The following ZNF805 variants were observed in gnomAD, a reference collection of about 807,000 sequenced individuals.
ZNF805 encodes the protein zinc finger protein 805, also known as CTC-444N24.8.
A neutral mutation model predicts 13.6 loss-of-function variants in ZNF805; 7 were observed. The ratio of observed to expected loss-of-function variants is 0.51; its 90% CI spans 0.29 to 0.97. The LOEUF is 0.97. Among genes scored for constraint, ZNF805 ranks in the 50% least tolerant of loss-of-function variants. The pLI, the probability that ZNF805 is intolerant of heterozygous loss-of-function variation, is 0.08. For missense variants in ZNF805, 604 were observed against 771.0 expected, an observed-to-expected ratio of 0.78 and a Z score of 2.57; for synonymous variants, 293 against 279.8, an observed-to-expected ratio of 1.05 and a Z score of -0.47.
Position 57,254,565 on chromosome 19 carries a change from A to G in ZNF805, c.1746A>G (p.Ser582=), listed in dbSNP as rs750896971. The change falls in exon 4 of 4, where the codon TCA becomes TCG. Residue 582 remains serine (S), a synonymous_variant. Coordinates refer to ENST00000414468, the MANE Select transcript of ZNF805 (RefSeq NM_001023563.4). ...GACCTTTTACAAGTGGGCAGACCTC[A>G]GTCAACATCCAAGAACTTTTATTGG... ...VGRPFTSGQT[S]VNIQELLLGK... 10 of 1,614,220 alleles carry G rather than the reference A, an allele frequency of 6.2e-6. No individual in the cohort carries two copies. The South Asian group carries it at 8.8e-5, about 14-fold the overall frequency.
At position 57,254,289 on chromosome 19, in the gene ZNF805, G is replaced by A; in HGVS notation, c.1470G>A (p.Lys490=). 3 of 1,614,082 alleles carry A rather than the reference G, an allele frequency of 1.9e-6. No individual in the cohort carries two copies. Among genetic ancestry groups the A allele is most frequent in the Non-Finnish European group, 2.5e-6 (3 of 1,180,026 alleles). Residue 490 remains lysine, a synonymous_variant, in exon 4 of 4, where the codon AAG becomes AAA. Transcript: ENST00000414468. ...EKPYECMECG[K]AFNRRSGLTR... ...CCTATGAGTGCATGGAGTGTGGAAA[G>A]GCCTTCAACCGCAGGTCAGGCCTCA...
In ZNF805 at chr19:57,258,312, A is replaced by G. The variant is rs921378768; in HGVS notation, c.*3609A>G. Among the ~76,000 whole-genome samples, 2 of 151,948 alleles carry G rather than the reference A, an allele frequency of 1.3e-5. No homozygotes were observed. Among genetic ancestry groups the G allele is most frequent in the Admixed American group, 6.6e-5 (1 of 15,258 alleles). On this transcript the variant is annotated 3_prime_UTR_variant, in exon 4 of 4. Transcript: ENST00000414468. ...GTCACTGTGTCTGGCCCCAGTTTGC[A>G]TATTTCTGTCTTTTATTGGTGTATT...
At chr19:57,244,967 C>G (rs1325205714) in intron 2 of ZNF805, among the ~76,000 whole-genome samples, 1 of 151,666 alleles carries the variant, frequency 6.6e-6, no homozygotes, top group Non-Finnish European at 1.5e-5. Context: ...TTTTTGAGTT[C>G]CAGAGCGGGA....
At position 57,254,026 on chromosome 19, in the gene ZNF805, G is replaced by A. The variant is rs548369391; in HGVS notation, c.1207G>A (p.Glu403Lys). ...HTGEKPFECL[E>K]CGKAFNHRSY... ...TGGAGAGAAGCCCTTTGAGTGCCTC[G>A]AGTGTGGGAAGGCTTTCAACCACCG... Residue 403 changes from glutamate (E) to lysine (K), a missense_variant, in exon 4 of 4, where the codon GAG becomes AAG. Physicochemically the swap from Glu to Lys is moderately conservative, Grantham distance 56. Coordinates refer to ENST00000414468, the MANE Select transcript of ZNF805 (RefSeq NM_001023563.4). 14 of 1,613,766 alleles carry A rather than the reference G, an allele frequency of 8.7e-6. No individual in the cohort carries two copies. In the East Asian group the frequency reaches 8.9e-5, roughly 10 times the overall value.
rs1442681307 is a variant in ZNF805 at position 57,257,792 on chromosome 19, C to T, written c.*3089C>T. Among the ~76,000 whole-genome samples the T allele has an allele frequency of 2.0e-5, 3 of 148,736 alleles. No individual in the cohort carries two copies. Among genetic ancestry groups the T allele is most frequent in the Non-Finnish European group, 4.4e-5 (3 of 67,506 alleles). On this transcript the variant is annotated 3_prime_UTR_variant, in exon 4 of 4. Coordinates refer to ENST00000414468, the MANE Select transcript of ZNF805 (RefSeq NM_001023563.4). The stretch of plus-strand genomic sequence containing the variant: ...TGCGATCTCCGCTCACTGCAACCTC[C>T]GCCTCCTGGGTTCAAGTGATTCTCC...
In ZNF805 at chr19:57,253,990, G is replaced by A; in HGVS notation, c.1171G>A (p.Val391Ile). 1.2e-6 allele frequency: 2 copies of A among 1,612,476 alleles called. No individual in the cohort carries two copies. Reference sequence around the variant, plus strand: ...GAGCGCAGCGCTGATTCACCACTATGTCATCCACACTGGAGAGAAGCCCTT... The same window carrying A: ...GAGCGCAGCGCTGATTCACCACTATATCATCCACACTGGAGAGAAGCCCTT... ...CESAALIHHY[V>I]IHTGEKPFEC... is the part of the protein sequence containing the mutation. The change falls in exon 4 of 4, where the codon GTC becomes ATC. Residue 391 changes from valine to isoleucine, a missense_variant. Val to Ile is a conservative substitution (Grantham distance 29, BLOSUM62 3). This residue lies in a region of ZNF805 where 228 missense variants were observed against 352.8 expected (regional missense o/e 0.65). Transcript: ENST00000414468. This position sits in a 1 kb window ranked among gnomAD's most constrained non-coding sequence, Gnocchi z 4.4.
At position 57,258,437 on chromosome 19, in the gene ZNF805, G is replaced by GTTTTT. The variant is rs3028396; in HGVS notation, c.*3743_*3747dup. Among the ~76,000 whole-genome samples the GTTTTT allele has an allele frequency of 1.3e-4, 17 of 130,014 alleles. No individual in the cohort carries two copies. Among genetic ancestry groups the GTTTTT allele is most frequent in the South Asian group, 2.4e-4 (1 of 4,102 alleles). 85.3% of individuals were successfully genotyped at this position (130,014 alleles called of 152,430 possible). ...GTTGCTTCTTTCTTGGTTTGTTTGG[G>GTTTTT]TTTTTTTTTTTTTGTCTTTAACATT... On this transcript the variant is annotated 3_prime_UTR_variant, in exon 4 of 4. Coordinates refer to ENST00000414468, the MANE Select transcript of ZNF805 (RefSeq NM_001023563.4).
intron 2 of ZNF805, among the ~76,000 whole-genome samples, chr19:57,246,877 T>C (rs1167141878): frequency 2.0e-5 from 3 of 152,200 alleles, no homozygotes; most frequent in Admixed American, 6.5e-5. Flanking sequence ...CTCCATTTAT[T>C]CTCACAGGAT....
rs35129115 is a variant in ZNF805, at chr19:57,257,529, CTT to C, written c.*2827_*2828del. ...GTCCCTTTTTGTTCCTGTTAATACTCTTATCAATTTTTATCTGATATTTGTGT... is the reference window on the plus strand; with the variant it reads ...GTCCCTTTTTGTTCCTGTTAATACTCATCAATTTTTATCTGATATTTGTGT... On this transcript the variant is annotated 3_prime_UTR_variant, in exon 4 of 4. Coordinates refer to ENST00000414468, the MANE Select transcript of ZNF805 (RefSeq NM_001023563.4). Among the ~76,000 whole-genome samples, 38,765 of 151,710 alleles carry C rather than the reference CTT, an allele frequency of 0.26. 6,079 individuals are homozygous for C. The highest frequency in any genetic ancestry group is 0.35 in the Non-Finnish European group (23,831 of 67,842).
chr19:57,243,926 T>A lies in ZNF805; in HGVS notation c.34T>A (p.Ser12Thr). 3 of 1,614,128 alleles carry A rather than the reference T, an allele frequency of 1.9e-6. No homozygotes were observed. Among genetic ancestry groups the A allele is most frequent in the Non-Finnish European group, 1.7e-6 (2 of 1,180,022 alleles). ...AMALTDPAQV[S>T]VTFDDVAVTF... ...CTACCTCTATTTGACATTTCAGGTGTCTGTGACCTTTGATGATGTGGCTGT... is the reference window on the plus strand; with the variant it reads ...CTACCTCTATTTGACATTTCAGGTGACTGTGACCTTTGATGATGTGGCTGT... The change falls in exon 2 of 4, where the codon TCT (serine) becomes ACT (threonine). Residue 12 changes from serine to threonine, a missense_variant. This residue lies in a region of ZNF805 where 327 missense variants were observed against 378.2 expected (regional missense o/e 0.86). Coordinates refer to ENST00000414468, the MANE Select transcript of ZNF805 (RefSeq NM_001023563.4).
Position 57,259,089 on chromosome 19 carries a change from T to C in ZNF805, c.*4386T>C, listed in dbSNP as rs550680100. Among the ~76,000 whole-genome samples, 8 of 152,120 alleles carry C rather than the reference T, an allele frequency of 5.3e-5. No individual in the cohort carries two copies. In the East Asian group the frequency reaches 1.5e-3, roughly 29 times the overall value. On this transcript the variant is annotated 3_prime_UTR_variant, in exon 4 of 4. Transcript: ENST00000414468. ...ATCAACCTGCGTTCAAAGTGTTTTG[T>C]TTTTTTTGTAGTGTTCAGAAGTTTG...
intron 1 of ZNF805, among the ~76,000 whole-genome samples, chr19:57,243,166 T>C (rs921550787): frequency 6.6e-6 from 1 of 152,190 alleles, no homozygotes; most frequent in African/African-American, 2.4e-5. Flanking sequence ...CAGTGAACTC[T>C]GAGCATGCCA....
intron 2 of ZNF805, among the ~76,000 whole-genome samples, chr19:57,246,219 G>A (rs957987286): frequency 6.6e-6 from 1 of 152,166 alleles, no homozygotes; most frequent in African/African-American, 2.4e-5. Flanking sequence ...TGTTGCCTCG[G>A]CTGGAGTGCA....
At chr19:57,245,768 G>A (rs575136974) in intron 2 of ZNF805, among the ~76,000 whole-genome samples, 1 of 150,150 alleles carries the variant, frequency 6.7e-6, no homozygotes, top group Non-Finnish European at 1.5e-5. Context: ...GACAGAGCGA[G>A]ACTCCATCTC....
In ZNF805 at chr19:57,259,256, C is replaced by A. The variant is rs1305477753; in HGVS notation, c.*4553C>A. Among the ~76,000 whole-genome samples, 1 of 152,066 alleles carries A rather than the reference C, an allele frequency of 6.6e-6. No homozygotes were observed. The highest frequency in any genetic ancestry group is 1.5e-5 in the Non-Finnish European group (1 of 68,008). On this transcript the variant is annotated 3_prime_UTR_variant, in exon 4 of 4. Transcript: ENST00000414468. ...CTTGAAATATTTTTTCATCCCTACTCTTTCTCCTCTCTGTGATATGAATGG... is the reference window on the plus strand; with the variant it reads ...CTTGAAATATTTTTTCATCCCTACTATTTCTCCTCTCTGTGATATGAATGG...
At chr19:57,250,463 C>G (rs929837569) in intron 3 of ZNF805, among the ~76,000 whole-genome samples, 10 of 152,330 alleles carry the variant, frequency 6.6e-5, no homozygotes, top group African/African-American at 2.2e-4. Context: ...AACTCCCGAC[C>G]TCAGGTGATC....
chr19:57,245,589 C>A (rs929513879), intron 2 of ZNF805, among the ~76,000 whole-genome samples: 12 of 149,046 alleles, frequency 8.1e-5, no homozygotes, highest in African/African-American at 3.0e-4. Context: ...ACCATCCTGG[C>A]TAACACGGTG....
chr19:57,250,577 A>T (rs1383773441), intron 3 of ZNF805, among the ~76,000 whole-genome samples: 1 of 151,978 alleles, frequency 6.6e-6, no homozygotes, highest in Non-Finnish European at 1.5e-5. Context: ...TTTCTAGGGG[A>T]TGTTAATAGA....
rs114612352 is a variant in ZNF805 at position 57,248,667 on chromosome 19, A to G, written c.220A>G (p.Arg74Gly). The part of the protein sequence containing the change: ...HLEHGQEPWT[R>G]KEDLSQGTCP... ...AGAGCATGGGCAGGAGCCATGGACCAGGAAGGAAGACCTCTCCCAAGGCAC... is the reference window on the plus strand; with the variant it reads ...AGAGCATGGGCAGGAGCCATGGACCGGGAAGGAAGACCTCTCCCAAGGCAC... Residue 74 changes from arginine to glycine, a missense_variant, in exon 3 of 4, where the codon AGG becomes GGG. By Grantham distance (125) the Arg-to-Gly change is moderately radical. Coordinates refer to ENST00000414468, the MANE Select transcript of ZNF805 (RefSeq NM_001023563.4). 1.7e-4 allele frequency: 279 copies of G among 1,598,974 alleles called. No homozygotes were observed. In the African/African-American group the frequency reaches 3.4e-3, roughly 20 times the overall value.
Sources: gnomAD v4.1 joint callset for allele counts (sites outside exome capture counted in the v4.1 genomes callset) on GRCh38, gnomAD v4.1.1 for gene constraint, gnomAD v4.1.1 regional missense constraint, Gnocchi (gnomAD v3.1) non-coding constraint, MANE v1.5 for transcripts, NCBI Gene and HGNC (gene_info 2026-07-23, HGNC 2026-07-21) for gene names.